FGGY: variants seen among roughly 807,000 people sequenced by gnomAD.
FGGY encodes FGGY carbohydrate kinase domain containing, also known as FGGY carbohydrate kinase domain-containing protein.
Under a neutral mutation model 71.3 loss-of-function variants are expected in FGGY, and 72 were observed. That is an observed-to-expected ratio of 1.01 (90% confidence interval 0.84 to 1.23). The LOEUF is 1.23. FGGY is among the 50% of genes most tolerant of loss of function. The pLI, the probability that FGGY is intolerant of heterozygous loss-of-function variation, is 0.00. For missense variants in FGGY, 668 were observed against 682.3 expected (o/e 0.98, Z 0.23); for synonymous variants, 251 against 250.3 (o/e 1.00, Z -0.02).
At position 59,477,451 on chromosome 1, in the gene FGGY, C is replaced by T. The variant is rs1166652747; in HGVS notation, c.670+20375C>T. Among the ~76,000 whole-genome samples, 39 of 152,250 alleles carry T rather than the reference C, an allele frequency of 2.6e-4. 1 individual carries two copies. Among genetic ancestry groups the T allele is most frequent in the East Asian group, 1.9e-4 (1 of 5,186 alleles). ...CTCCAAGGTTTGCTGGCAGACACTG[C>T]GTTGCCATGAACCCTATTGATCCCA... On this transcript the variant is annotated intron_variant, in intron 6 of 15. Coordinates refer to ENST00000303721, the MANE Select transcript of FGGY (RefSeq NM_018291.5).
At chr1:59,631,414 C>T (rs2096907471) in intron 10 of FGGY, among the ~76,000 whole-genome samples, 1 of 152,118 alleles carries the variant, frequency 6.6e-6, no homozygotes, top group Non-Finnish European at 1.5e-5. Flanking sequence ...TTCCACTTTT[C>T]TTTTATTGTC....
intron 5 of FGGY, among the ~76,000 whole-genome samples, chr1:59,421,345 TA>T (rs1425778201): frequency 6.6e-6 from 1 of 152,238 alleles, no homozygotes; most frequent in Non-Finnish European, 1.5e-5. Flanking sequence ...GATAATTAGC[TA>T]TTTTTTGAAA....
At chr1:59,701,699 T>C (rs540552495) in intron 14 of FGGY, among the ~76,000 whole-genome samples, 1 of 152,168 alleles carries the variant, frequency 6.6e-6, no homozygotes, top group Non-Finnish European at 1.5e-5. Context: ...TATATGTCTG[T>C]ATGTGTGTGT....
chr1:59,324,355 C>T (rs567342390), intron 2 of FGGY, among the ~76,000 whole-genome samples: 65 of 135,394 alleles, frequency 4.8e-4, no homozygotes, highest in Non-Finnish European at 8.6e-4. Context: ...CGGCTCACTG[C>T]AAGCTCCGCC....
intron 8 of FGGY, among the ~76,000 whole-genome samples, chr1:59,579,314 CA>C (rs2096143714): frequency 6.6e-6 from 1 of 152,264 alleles, no homozygotes; most frequent in Admixed American, 6.5e-5. Flanking sequence ...CTTGCTTCTT[CA>C]GTGACCTCAT....
chr1:59,614,464 A>G (rs1440840956), intron 9 of FGGY, among the ~76,000 whole-genome samples: 1 of 152,022 alleles, frequency 6.6e-6, no homozygotes, highest in African/African-American at 2.4e-5. Context: ...CATGCTAAAA[A>G]CTCTCAATAA....
At chr1:59,453,457 C>T (rs188477370) in intron 5 of FGGY, among the ~76,000 whole-genome samples, 3 of 152,158 alleles carry the variant, frequency 2.0e-5, no homozygotes, top group African/African-American at 7.2e-5. Context: ...TAGTTTAATA[C>T]AGTAATCATT....
intron 4 of FGGY, among the ~76,000 whole-genome samples, chr1:59,371,273 C>G (rs1322306809): frequency 6.6e-6 from 1 of 152,010 alleles, no homozygotes; most frequent in Non-Finnish European, 1.5e-5. Context: ...TCTGATAAAA[C>G]AGACTTTAAA....
chr1:59,398,583 G>A (rs186739768), intron 5 of FGGY, among the ~76,000 whole-genome samples: 1 of 152,230 alleles, frequency 6.6e-6, no homozygotes, highest in East Asian at 1.9e-4. Flanking sequence ...CATTTGCCAT[G>A]GGAAAATGGG....
chr1:59,573,524 A>G (rs972726003), intron 8 of FGGY, among the ~76,000 whole-genome samples: 4 of 152,160 alleles, frequency 2.6e-5, no homozygotes, highest in African/African-American at 9.7e-5. Flanking sequence ...TGTGAACAAT[A>G]TGTTTATGTA....
chr1:59,412,288 C>G (rs889919867), intron 5 of FGGY, among the ~76,000 whole-genome samples: 3 of 152,132 alleles, frequency 2.0e-5, no homozygotes, highest in Admixed American at 6.5e-5. Context: ...CATGTACAAC[C>G]TGGATAGAGA....
At chr1:59,304,339 C>T (rs2043159322) in intron 1 of FGGY, among the ~76,000 whole-genome samples, 1 of 152,034 alleles carries the variant, frequency 6.6e-6, no homozygotes, top group South Asian at 2.1e-4. Context: ...TTCCTTTTCC[C>T]CATTGTGTTT....
intron 5 of FGGY, among the ~76,000 whole-genome samples, chr1:59,437,494 C>T (rs1025160458): frequency 4.6e-5 from 7 of 152,180 alleles, no homozygotes; most frequent in African/African-American, 1.2e-4. Flanking sequence ...GTACCCATTA[C>T]GTGTAGGGGC....
chr1:59,516,808 A>G (rs1221997629), intron 7 of FGGY, among the ~76,000 whole-genome samples: 1 of 152,184 alleles, frequency 6.6e-6, no homozygotes. Flanking sequence ...CTGACCTGGC[A>G]TGGCCTGCTT....
intron 1 of FGGY, among the ~76,000 whole-genome samples, chr1:59,303,179 A>G (rs1254755655): frequency 6.6e-6 from 1 of 152,222 alleles, no homozygotes; most frequent in African/African-American, 2.4e-5. Context: ...TATACAGTAA[A>G]TTATCAACTG....
intron 10 of FGGY, among the ~76,000 whole-genome samples, chr1:59,637,537 G>A (rs2096973436): frequency 6.6e-6 from 1 of 152,110 alleles, no homozygotes; most frequent in Non-Finnish European, 1.5e-5. Context: ...GGGAGGCGGA[G>A]GTTGTAGTGA....
intron 14 of FGGY, among the ~76,000 whole-genome samples, chr1:59,687,575 T>A (rs2097554365): frequency 6.6e-6 from 1 of 151,716 alleles, no homozygotes; most frequent in Admixed American, 6.6e-5. Context: ...CACGCCATTC[T>A]CCTGCCTCAG....
chr1:59,663,497 T>A (rs1334393270), intron 12 of FGGY, among the ~76,000 whole-genome samples: 1 of 152,192 alleles, frequency 6.6e-6, no homozygotes, highest in Non-Finnish European at 1.5e-5. Context: ...GAGGTTAAAC[T>A]TAATGCGGGC....
At chr1:59,727,256 T>A (rs1179826261) in intron 14 of FGGY, among the ~76,000 whole-genome samples, 1 of 152,226 alleles carries the variant, frequency 6.6e-6, no homozygotes, top group Non-Finnish European at 1.5e-5. Context: ...TAATCTGTGA[T>A]GTACATGTTC....
Sources: gnomAD v4.1 joint callset for allele counts (sites outside exome capture counted in the v4.1 genomes callset) on GRCh38, gnomAD v4.1.1 for gene constraint, MANE v1.5 for transcripts, NCBI Gene and HGNC (gene_info 2026-07-23, HGNC 2026-07-21) for gene names.